The following TEAD1 variants were observed in gnomAD, a reference collection of about 807,000 sequenced individuals.
TEAD1 encodes transcriptional enhancer factor TEF-1.
TEAD1 carries 9 observed loss-of-function variants against 54.9 expected under a neutral mutation model. The ratio of observed to expected loss-of-function variants is 0.16; its 90% CI spans 0.10 to 0.29. The LOEUF is 0.29. Ranked by LOEUF, TEAD1 falls within the 10% of genes least tolerant of loss-of-function variation. The probability of loss-of-function intolerance (pLI) is 1.00; values close to 1 mark genes in which losing one functional copy is unlikely to be tolerated. For missense variants in TEAD1, 387 were observed against 535.9 expected, an observed-to-expected ratio of 0.72 and a Z score of 2.74; for synonymous variants, 200 against 187.8, an observed-to-expected ratio of 1.07 and a Z score of -0.53.
chr11:12,904,796 G>C (rs1213709277), intron 10 of TEAD1: 1 of 284,782 alleles, frequency 3.5e-6, no homozygotes, highest in Non-Finnish European at 7.2e-6. Context: ...AGGTCTTTGA[G>C]GTCCTCAATA....
At chr11:12,927,431 T>C (rs921031287) in intron 11 of TEAD1, among the ~76,000 whole-genome samples, 2 of 152,222 alleles carry the variant, frequency 1.3e-5, no homozygotes, top group African/African-American at 4.8e-5. Context: ...CAGTACCATG[T>C]GGATTTGATT....
intron 2 of TEAD1, among the ~76,000 whole-genome samples, chr11:12,739,935 AAC>A (rs996551862): frequency 1.4e-4 from 22 of 152,244 alleles, no homozygotes; most frequent in Non-Finnish European, 5.9e-5. Flanking sequence ...CTTAACAGGT[AAC>A]ACAAACAAAA....
chr11:12,770,512 C>A (rs1226314833), intron 3 of TEAD1, among the ~76,000 whole-genome samples: 3 of 152,128 alleles, frequency 2.0e-5, no homozygotes. Flanking sequence ...AAAAAGCTGA[C>A]CTGTGTGAGC....
Position 12,940,993 on chromosome 11 carries a change from T to G in TEAD1, c.*3771T>G, listed in dbSNP as rs1164614824. On this transcript the variant is annotated 3_prime_UTR_variant, in exon 13 of 13. Transcript: ENST00000527636. ...GAGAAAGTTGAGGCCAGAGGGGAGG[T>G]GACATGTTTAGAGTCACCCAGCTGG... 6.6e-6 allele frequency: 1 copy of G among 151,938 alleles called. No individual in the cohort carries two copies. Among genetic ancestry groups the G allele is most frequent in the Admixed American group, 6.6e-5 (1 of 15,248 alleles). 9.4% of individuals were successfully genotyped at this position (151,938 alleles called of 1,614,324 possible).
intron 5 of TEAD1, among the ~76,000 whole-genome samples, chr11:12,879,087 G>A (rs762290359): frequency 7.2e-5 from 11 of 152,096 alleles, no homozygotes; most frequent in African/African-American, 2.4e-4. Context: ...TTAGCCCCAC[G>A]GCGGGGATAC....
chr11:12,717,466 T>G (rs1564916578), intron 2 of TEAD1, among the ~76,000 whole-genome samples: 1 of 152,182 alleles, frequency 6.6e-6, no homozygotes, highest in Non-Finnish European at 1.5e-5. Context: ...CACTCCTGGA[T>G]GGAGAATCAA....
intron 10 of TEAD1, among the ~76,000 whole-genome samples, chr11:12,910,642 A>G (rs1232521994): frequency 1.3e-5 from 2 of 152,048 alleles, no homozygotes; most frequent in East Asian, 1.9e-4. Context: ...AAACCAGGAT[A>G]TATGATGTTA....
intron 3 of TEAD1, among the ~76,000 whole-genome samples, chr11:12,854,568 C>T (rs957015333): frequency 2.0e-5 from 3 of 152,018 alleles, no homozygotes; most frequent in East Asian, 3.9e-4. Flanking sequence ...ACATAAGCAC[C>T]TCCAAGGCAG....
At chr11:12,712,706 A>C (rs193015522) in intron 2 of TEAD1, among the ~76,000 whole-genome samples, 18 of 152,308 alleles carry the variant, frequency 1.2e-4, no homozygotes, top group Non-Finnish European at 2.4e-4. Context: ...TCACGTGAGA[A>C]TAATAGGGAG....
intron 3 of TEAD1, among the ~76,000 whole-genome samples, chr11:12,790,027 C>A (rs2133960164): frequency 6.6e-6 from 1 of 152,354 alleles, no homozygotes; most frequent in South Asian, 2.1e-4. Flanking sequence ...GCAGTGGCAG[C>A]ATGTATGCTA....
At position 12,706,113 on chromosome 11, in the gene TEAD1, C is replaced by G. The variant is rs553877041; in HGVS notation, c.-55+30552C>G. Among the ~76,000 whole-genome samples, 15 of 152,300 alleles carry G rather than the reference C, an allele frequency of 9.8e-5. No individual in the cohort carries two copies. The East Asian group carries it at 2.9e-3, about 29-fold the overall frequency. On this transcript the variant is annotated intron_variant, in intron 2 of 12. Transcript: ENST00000527636. Reference sequence around the variant, plus strand: ...TATGCAAAACAAAATAAATTTGACTCGTTTGAAATATTGCGTAAATATGTT... The same window carrying G: ...TATGCAAAACAAAATAAATTTGACTGGTTTGAAATATTGCGTAAATATGTT...
intron 10 of TEAD1, among the ~76,000 whole-genome samples, chr11:12,904,446 A>G (rs1357965090): frequency 1.3e-5 from 2 of 152,228 alleles, no homozygotes; most frequent in Non-Finnish European, 2.9e-5. Context: ...ATATTGTGTT[A>G]GAGCAATGGA....
At chr11:12,692,646 G>C (rs371255079) in intron 2 of TEAD1, among the ~76,000 whole-genome samples, 3 of 152,152 alleles carry the variant, frequency 2.0e-5, no homozygotes, top group Non-Finnish European at 2.9e-5. Flanking sequence ...GAAGAGCCCC[G>C]TAATTCACAA....
At chr11:12,687,480 A>C (rs796889656) in intron 2 of TEAD1, among the ~76,000 whole-genome samples, 5 of 152,360 alleles carry the variant, frequency 3.3e-5, no homozygotes, top group African/African-American at 1.2e-4. Flanking sequence ...CCAACATCAC[A>C]CAGCTGCACT....
At chr11:12,763,817 C>A (rs779958369) in intron 2 of TEAD1, among the ~76,000 whole-genome samples, 13 of 152,234 alleles carry the variant, frequency 8.5e-5, no homozygotes, top group Non-Finnish European at 1.5e-4. Flanking sequence ...TGCAAACTTG[C>A]AACTCCGAGT....
chr11:12,866,192 ACT>A (rs1947611797), intron 5 of TEAD1, among the ~76,000 whole-genome samples: 1 of 151,982 alleles, frequency 6.6e-6, no homozygotes, highest in African/African-American at 2.4e-5. Context: ...AAGGTGCAAT[ACT>A]CTCTATATGG....
intron 2 of TEAD1, among the ~76,000 whole-genome samples, chr11:12,756,475 A>T (rs1014776787): frequency 6.6e-6 from 1 of 152,210 alleles, no homozygotes; most frequent in Non-Finnish European, 1.5e-5. Flanking sequence ...CTAGTGTCTT[A>T]AATGGTAGGA....
intron 9 of TEAD1, among the ~76,000 whole-genome samples, chr11:12,896,458 A>C (rs904157775): frequency 6.6e-6 from 1 of 152,220 alleles, no homozygotes; most frequent in African/African-American, 2.4e-5. Flanking sequence ...CAGTTTTCTG[A>C]TACCTTAAAT....
chr11:12,684,882 G>A (rs577437529), intron 2 of TEAD1, among the ~76,000 whole-genome samples: 1 of 152,338 alleles, frequency 6.6e-6, no homozygotes, highest in East Asian at 1.9e-4. Context: ...TTTAGCCAGT[G>A]TATTTGCATG....
Sources: gnomAD v4.1 joint callset for allele counts (sites outside exome capture counted in the v4.1 genomes callset) on GRCh38, gnomAD v4.1.1 for gene constraint, MANE v1.5 for transcripts, NCBI Gene and HGNC (gene_info 2026-07-23, HGNC 2026-07-21) for gene names.